TMEM163: variants seen among roughly 807,000 people sequenced by gnomAD.
TMEM163 encodes transmembrane protein 163.
TMEM163 carries 17 observed loss-of-function variants against 29.3 expected under a neutral mutation model. The observed-to-expected ratio is 0.58, with a 90% confidence interval of 0.40 to 0.87. The LOEUF is 0.87. Ranked by LOEUF, TMEM163 falls within the 40% of genes least tolerant of loss-of-function variation. The pLI, the probability that TMEM163 is intolerant of heterozygous loss-of-function variation, is 0.00. For synonymous variants in TMEM163, 157 were observed against 160.6 expected (o/e 0.98, Z 0.17); for missense variants, 303 against 381.5 (o/e 0.79, Z 1.71).
intron 2 of TMEM163, among the ~76,000 whole-genome samples, chr2:134,557,738 A>G (rs1305330521): frequency 6.6e-6 from 1 of 152,204 alleles, no homozygotes; most frequent in Admixed American, 6.5e-5. Context: ...GCAATTGGAT[A>G]TACATCTGTC....
intron 2 of TMEM163, among the ~76,000 whole-genome samples, chr2:134,662,463 A>T (rs1484104169): frequency 6.6e-6 from 1 of 152,194 alleles, no homozygotes; most frequent in Non-Finnish European, 1.5e-5. Context: ...GGTTAAAAAG[A>T]TGAGACTAAC....
intron 2 of TMEM163, among the ~76,000 whole-genome samples, chr2:134,701,916 C>CAAA (rs71301801): frequency 0.2 from 13,500 of 65,984 alleles, 1,162 homozygotes; most frequent in Middle Eastern, 0.34. Flanking sequence ...AAAACTGTCT[C>CAAA]AAAAAAAAAA....
At chr2:134,681,075 C>T (rs73958788) in intron 2 of TMEM163, among the ~76,000 whole-genome samples, 1,666 of 152,314 alleles carry the variant, frequency 0.011, 26 homozygotes, top group African/African-American at 0.036. Context: ...TTGGGTCATT[C>T]AAGGGTGCCT....
At chr2:134,551,450 G>A (rs1327079342) in intron 3 of TMEM163, among the ~76,000 whole-genome samples, 3 of 152,182 alleles carry the variant, frequency 2.0e-5, no homozygotes, top group South Asian at 2.1e-4. Flanking sequence ...AAAGCTACGC[G>A]GCGGGGGTTG....
intron 2 of TMEM163, among the ~76,000 whole-genome samples, chr2:134,690,738 T>C (rs752034267): frequency 2.2e-4 from 34 of 152,362 alleles, no homozygotes; most frequent in Non-Finnish European, 4.6e-4. Context: ...TTCATGACTT[T>C]GGCTTTCTTT....
At chr2:134,632,028 G>C (rs1345934570) in intron 2 of TMEM163, among the ~76,000 whole-genome samples, 5 of 152,184 alleles carry the variant, frequency 3.3e-5, no homozygotes, top group African/African-American at 1.2e-4. Flanking sequence ...TTCCAACAAA[G>C]TCATATGGAG....
intron 2 of TMEM163, among the ~76,000 whole-genome samples, chr2:134,655,621 G>A (rs1252226593): frequency 3.5e-5 from 5 of 141,040 alleles, no homozygotes; most frequent in Non-Finnish European, 4.5e-5. Context: ...GAGGAGAGGC[G>A]CTCTGCATTT....
intron 4 of TMEM163, among the ~76,000 whole-genome samples, chr2:134,537,132 G>A (rs1680559157): frequency 6.6e-6 from 1 of 152,194 alleles, no homozygotes; most frequent in African/African-American, 2.4e-5. Flanking sequence ...CAGACTGACA[G>A]ATCAGGCAAT....
rs116729390 is a variant in TMEM163, at chr2:134,635,062, A to G, written c.322+78138T>C. Among the ~76,000 whole-genome samples the G allele has an allele frequency of 6.8e-3, 1,033 of 152,364 alleles. 2 individuals carry two copies. The highest frequency in any genetic ancestry group is 0.01 in the Non-Finnish European group (709 of 68,032). Reference sequence around the variant, plus strand: ...GTCATTGCTGTTGATGGAGAAGGGGACAGGAGGAAAGACAGTGAGATTGGC... The same window carrying G: ...GTCATTGCTGTTGATGGAGAAGGGGGCAGGAGGAAAGACAGTGAGATTGGC... On this transcript the variant is annotated intron_variant, in intron 2 of 7. Coordinates refer to ENST00000281924, the MANE Select transcript of TMEM163 (RefSeq NM_030923.5).
intron 2 of TMEM163, among the ~76,000 whole-genome samples, chr2:134,636,522 T>C (rs1381130487): frequency 1.3e-5 from 2 of 152,240 alleles, no homozygotes; most frequent in African/African-American, 4.8e-5. Context: ...ACCTCCAAGC[T>C]GTCCTTGTTC....
intron 2 of TMEM163, among the ~76,000 whole-genome samples, chr2:134,575,460 A>G (rs1281368243): frequency 6.6e-6 from 1 of 152,170 alleles, no homozygotes; most frequent in African/African-American, 2.4e-5. Flanking sequence ...TGCGGTATGT[A>G]TAGAAGTGGC....
chr2:134,587,688 T>C (rs116106483), intron 2 of TMEM163, among the ~76,000 whole-genome samples: 5,764 of 152,256 alleles, frequency 0.038, 166 homozygotes, highest in Admixed American at 0.085. Context: ...ACCAAAGAGA[T>C]CCAAAGGCTT....
chr2:134,506,169 C>A (rs190833052), intron 4 of TMEM163, among the ~76,000 whole-genome samples: 1 of 152,292 alleles, frequency 6.6e-6, no homozygotes, highest in African/African-American at 2.4e-5. Context: ...ATCCTATTTT[C>A]TTCACCAATA....
intron 5 of TMEM163, among the ~76,000 whole-genome samples, chr2:134,499,040 C>T (rs1679644743): frequency 6.6e-6 from 1 of 152,184 alleles, no homozygotes; most frequent in South Asian, 2.1e-4. Flanking sequence ...CCCCTTCTTA[C>T]CAAAGCCAGG....
intron 6 of TMEM163, 169 bp from the exon 7 acceptor site, chr2:134,458,342 G>T: frequency 1.4e-6 from 1 of 693,188 alleles, no homozygotes; most frequent in Non-Finnish European, 2.4e-6. Context: ...CTGCTCAAAT[G>T]TCACCAGATA....
At chr2:134,694,758 A>T (rs1216294947) in intron 2 of TMEM163, among the ~76,000 whole-genome samples, 1 of 152,222 alleles carries the variant, frequency 6.6e-6, no homozygotes, top group Non-Finnish European at 1.5e-5. Flanking sequence ...ATTATTCTTT[A>T]AAAAATATAG....
intron 3 of TMEM163, among the ~76,000 whole-genome samples, chr2:134,550,995 A>G (rs1241920878): frequency 2.6e-5 from 4 of 152,226 alleles, no homozygotes; most frequent in African/African-American, 9.6e-5. Flanking sequence ...AGTTTCCTGC[A>G]CATCCCAGAT....
chr2:134,570,594 G>C (rs943676465), intron 2 of TMEM163, among the ~76,000 whole-genome samples: 1 of 151,670 alleles, frequency 6.6e-6, no homozygotes, highest in Non-Finnish European at 1.5e-5. Context: ...TTCTAAGGAG[G>C]GGCTGTTCCT....
chr2:134,597,038 A>G (rs1419288324), intron 2 of TMEM163, among the ~76,000 whole-genome samples: 1 of 152,190 alleles, frequency 6.6e-6, no homozygotes, highest in Admixed American at 6.5e-5. Flanking sequence ...TTTTCTAGAT[A>G]TACAATCATG....
Sources: gnomAD v4.1 joint callset for allele counts (sites outside exome capture counted in the v4.1 genomes callset) on GRCh38, gnomAD v4.1.1 for gene constraint, MANE v1.5 for transcripts, NCBI Gene and HGNC (gene_info 2026-07-23, HGNC 2026-07-21) for gene names.